Variants in WDR89 observed in about 807,000 individuals in gnomAD.
WDR89 encodes WD repeat domain 89.
In WDR89, 17 loss-of-function variants were observed where a neutral mutation model predicts 29.1. The observed-to-expected ratio is 0.58, with a 90% CI of 0.40 to 0.88. The LOEUF is 0.88. Among genes scored for constraint, WDR89 ranks in the 40% least tolerant of loss-of-function variants. WDR89 has a pLI of 0.00. For missense variants in WDR89, 396 were observed against 456.3 expected, an observed-to-expected ratio of 0.87 and a Z score of 1.20; for synonymous variants, 138 against 157.8, an observed-to-expected ratio of 0.87 and a Z score of 0.94.
chr14:63,612,747 G>A (rs1882069979), intron 2 of WDR89, among the ~76,000 whole-genome samples: 1 of 152,062 alleles, frequency 6.6e-6, no homozygotes, highest in Admixed American at 6.6e-5. Flanking sequence ...TGAGGGAGTT[G>A]GTAGGCAACC....
chr14:63,610,430 A>G (rs1337775010), intron 2 of WDR89, among the ~76,000 whole-genome samples: 1 of 152,022 alleles, frequency 6.6e-6, no homozygotes, highest in African/African-American at 2.4e-5. Flanking sequence ...TGTAGGCTGG[A>G]CTTAGTTACC....
At chr14:63,631,348 T>C (rs1883386694) in intron 1 of WDR89, among the ~76,000 whole-genome samples, 1 of 152,124 alleles carries the variant, frequency 6.6e-6, no homozygotes, top group African/African-American at 2.4e-5. Context: ...TCACTGTGAA[T>C]ACTGTATTAT....
At chr14:63,634,687 T>C (rs1260749047) in intron 1 of WDR89, among the ~76,000 whole-genome samples, 2 of 152,066 alleles carry the variant, frequency 1.3e-5, no homozygotes, top group African/African-American at 2.4e-5. Flanking sequence ...CTGGTCAATA[T>C]GGTGAAACCC....
chr14:63,604,681 A>T (rs1203965348), intron 2 of WDR89, among the ~76,000 whole-genome samples: 1 of 152,234 alleles, frequency 6.6e-6, no homozygotes, highest in Admixed American at 6.5e-5. Context: ...TATAATTTTT[A>T]AAAAGTCCTG....
At position 63,611,788 on chromosome 14, in the gene WDR89, G is replaced by A. The variant is rs541300705; in HGVS notation, c.-31-11815C>T. On this transcript the variant is annotated intron_variant, in intron 2 of 2. Coordinates refer to ENST00000620954, the MANE Select transcript of WDR89 (RefSeq NM_080666.4). ...GTCCCCCAGGCTAGAGTGCTGTGGT[G>A]CAATCTCGGCTCACTGCAACCTCTG... Among the ~76,000 whole-genome samples the A allele has an allele frequency of 2.4e-4, 37 of 152,052 alleles. 1 individual carries two copies. Among genetic ancestry groups the A allele is most frequent in the Non-Finnish European group, 8.8e-5 (6 of 67,994 alleles).
intron 2 of WDR89, among the ~76,000 whole-genome samples, chr14:63,607,983 A>G (rs1297220351): frequency 2.0e-5 from 3 of 152,026 alleles, no homozygotes; most frequent in Non-Finnish European, 4.4e-5. Flanking sequence ...CAAGGCGGGC[A>G]GATCACGAGG....
chr14:63,632,273 C>A (rs990439836), intron 1 of WDR89, among the ~76,000 whole-genome samples: 2 of 151,980 alleles, frequency 1.3e-5, no homozygotes, highest in African/African-American at 4.8e-5. Flanking sequence ...ATACATCAGT[C>A]TACAACTCAG....
At chr14:63,611,277 C>T (rs971442874) in intron 2 of WDR89, among the ~76,000 whole-genome samples, 3 of 127,248 alleles carry the variant, frequency 2.4e-5, no homozygotes, top group African/African-American at 8.9e-5. Context: ...GCGGAGGTTG[C>T]GGTAGACAAG....
At chr14:63,628,313 G>A (rs1883196080) in intron 1 of WDR89, among the ~76,000 whole-genome samples, 1 of 152,172 alleles carries the variant, frequency 6.6e-6, no homozygotes, top group Non-Finnish European at 1.5e-5. Flanking sequence ...AATATCTGAT[G>A]AGAATTTTCG....
intron 2 of WDR89, among the ~76,000 whole-genome samples, chr14:63,607,945 T>C (rs1487397037): frequency 6.7e-6 from 1 of 150,026 alleles, no homozygotes. Context: ...CAGTGGCTCA[T>C]GCCTGTAATC....
intron 1 of WDR89, among the ~76,000 whole-genome samples, chr14:63,633,268 T>C (rs898042638): frequency 6.6e-6 from 1 of 152,090 alleles, no homozygotes; most frequent in Non-Finnish European, 1.5e-5. Context: ...TGTATGTATA[T>C]AGACTAGATG....
chr14:63,627,038 T>C (rs376601130), intron 1 of WDR89, among the ~76,000 whole-genome samples: 4 of 152,074 alleles, frequency 2.6e-5, no homozygotes, highest in Admixed American at 6.6e-5. Flanking sequence ...AGAGGATCAC[T>C]TGAGGCTAGG....
intron 2 of WDR89, among the ~76,000 whole-genome samples, chr14:63,605,464 CT>C (rs748916368): frequency 1.1e-3 from 162 of 145,266 alleles, no homozygotes; most frequent in South Asian, 2.0e-3. Context: ...CAATACTATA[CT>C]TTTTTTTTTT....
At chr14:63,617,666 G>C (rs1232815532) in intron 2 of WDR89, among the ~76,000 whole-genome samples, 1 of 151,954 alleles carries the variant, frequency 6.6e-6, no homozygotes, top group Admixed American at 6.6e-5. Flanking sequence ...TGTAGTTTTA[G>C]TCGAGACGAG....
chr14:63,637,574 A>ATG (rs1183434310), intron 1 of WDR89, among the ~76,000 whole-genome samples: 2 of 152,092 alleles, frequency 1.3e-5, no homozygotes, highest in Admixed American at 6.6e-5. Context: ...GTGTATATAT[A>ATG]TGTGTGTGTA....
At chr14:63,613,300 T>A (rs1882103539) in intron 2 of WDR89, among the ~76,000 whole-genome samples, 1 of 151,566 alleles carries the variant, frequency 6.6e-6, no homozygotes, top group Non-Finnish European at 1.5e-5. Flanking sequence ...TGGCATCCTG[T>A]AACTTCTTAG....
intron 2 of WDR89, among the ~76,000 whole-genome samples, chr14:63,609,751 CTGCACTCCAGGCTG>C (rs1028003066): frequency 4.3e-4 from 66 of 152,082 alleles, no homozygotes; most frequent in Non-Finnish European, 7.6e-4. Context: ...GATCGCGCCA[CTGCACTCCAGGCTG>C]GAGACAGAGA....
intron 2 of WDR89, among the ~76,000 whole-genome samples, chr14:63,611,274 T>C (rs1024752496): frequency 2.1e-5 from 3 of 142,914 alleles, no homozygotes; most frequent in African/African-American, 5.3e-5. Context: ...GAGGCGGAGG[T>C]TGCGGTAGAC....
At chr14:63,607,134 C>T (rs1895357806) in intron 2 of WDR89, among the ~76,000 whole-genome samples, 1 of 152,110 alleles carries the variant, frequency 6.6e-6, no homozygotes, top group Non-Finnish European at 1.5e-5. Flanking sequence ...TCATCCTTTA[C>T]TTTTAATTTT....
Sources: gnomAD v4.1 joint callset for allele counts (sites outside exome capture counted in the v4.1 genomes callset) on GRCh38, gnomAD v4.1.1 for gene constraint, MANE v1.5 for transcripts, NCBI Gene and HGNC (gene_info 2026-07-23, HGNC 2026-07-21) for gene names.